NSMCE1: variants seen among roughly 807,000 people sequenced by gnomAD.
The protein encoded by NSMCE1 is NSE1 component of SMC5/6 complex, also known as non-structural maintenance of chromosomes element 1 homolog.
A neutral mutation model predicts 29.6 loss-of-function variants in NSMCE1; 18 were observed. That is an observed-to-expected ratio of 0.61 (90% CI 0.42 to 0.90). The LOEUF is 0.90. NSMCE1 is among the 40% of genes least tolerant of loss of function. The probability of loss-of-function intolerance (pLI) is 0.00; values close to 1 mark genes in which losing one functional copy is unlikely to be tolerated. For synonymous variants in NSMCE1, 124 were observed against 133.4 expected (o/e 0.93, Z 0.49); for missense variants, 314 against 343.6 (o/e 0.91, Z 0.68).
rs557220523 is a variant in NSMCE1 at position 27,256,679 on chromosome 16, C to T, written c.136+756G>A. Among the ~76,000 whole-genome samples the T allele has an allele frequency of 1.3e-3, 196 of 152,226 alleles. 1 individual carries two copies. The highest frequency in any genetic ancestry group is 6.8e-3 in the Middle Eastern group (2 of 294). ...ACACTGATCCTACTGTTTCTTCCAC[C>T]ATCTCCAGTTACTTAGAACTTAGCA... On this transcript the variant is annotated intron_variant, in intron 2 of 7. Coordinates refer to ENST00000361439, the MANE Select transcript of NSMCE1 (RefSeq NM_145080.4).
intron 4 of NSMCE1, chr16:27,233,901 G>A (rs1234098478): frequency 1.1e-5 from 4 of 373,064 alleles, no homozygotes; most frequent in African/African-American, 8.3e-5. Context: ...GGAGCAGCCA[G>A]GCAGGAACGC....
intron 1 of NSMCE1, 68 bp from the exon 2 acceptor site, chr16:27,257,649 T>A: frequency 8.1e-7 from 1 of 1,228,850 alleles, no homozygotes; most frequent in Non-Finnish European, 1.1e-6. Context: ...GGTCTTGTAC[T>A]AATTTACATT....
chr16:27,252,542 G>C (rs924149156), intron 2 of NSMCE1, among the ~76,000 whole-genome samples: 3 of 151,900 alleles, frequency 2.0e-5, no homozygotes, highest in Admixed American at 2.0e-4. Flanking sequence ...CAACATTTTG[G>C]AAGGCTGACG....
chr16:27,246,319 T>C (rs574703034), intron 2 of NSMCE1, among the ~76,000 whole-genome samples: 5 of 152,188 alleles, frequency 3.3e-5, no homozygotes, highest in Admixed American at 2.0e-4. Flanking sequence ...CTTAAAACAA[T>C]AGATAATTTA....
intron 5 of NSMCE1, among the ~76,000 whole-genome samples, chr16:27,227,774 T>G (rs1182587258): frequency 2.3e-5 from 3 of 131,844 alleles, no homozygotes; most frequent in Admixed American, 7.3e-5. Context: ...CTCCCGTTTC[T>G]TTTCTTTTCT....
intron 1 of NSMCE1, among the ~76,000 whole-genome samples, chr16:27,260,229 A>G (rs935101400): frequency 1.2e-4 from 18 of 152,202 alleles, no homozygotes; most frequent in Non-Finnish European, 2.5e-4. Context: ...AAATACACAA[A>G]AATAATAACA....
intron 2 of NSMCE1, among the ~76,000 whole-genome samples, chr16:27,256,943 C>T (rs967547697): frequency 2.0e-5 from 3 of 152,168 alleles, no homozygotes; most frequent in Non-Finnish European, 4.4e-5. Flanking sequence ...TCCCAAACTC[C>T]TGGCCTCAAG....
intron 2 of NSMCE1, among the ~76,000 whole-genome samples, chr16:27,243,037 G>C (rs764872395): frequency 3.3e-5 from 5 of 152,238 alleles, no homozygotes; most frequent in Non-Finnish European, 7.3e-5. Context: ...AGGAAGCACA[G>C]CTGCAGACAG....
chr16:27,255,010 G>A (rs1379052845), intron 2 of NSMCE1, among the ~76,000 whole-genome samples: 1 of 151,168 alleles, frequency 6.6e-6, no homozygotes, highest in Non-Finnish European at 1.5e-5. Context: ...CTCCCAAGTA[G>A]CTGGGACTAC....
intron 2 of NSMCE1, among the ~76,000 whole-genome samples, chr16:27,253,238 A>C (rs2084053514): frequency 6.6e-6 from 1 of 152,254 alleles, no homozygotes; most frequent in South Asian, 2.1e-4. Context: ...GGTCAGAAAC[A>C]CAGGTAGCCC....
chr16:27,253,135 G>A (rs533003481), intron 2 of NSMCE1, among the ~76,000 whole-genome samples: 23 of 152,222 alleles, frequency 1.5e-4, no homozygotes, highest in African/African-American at 4.8e-4. Flanking sequence ...AAGTCAAAAT[G>A]TAAGTAAAGT....
At position 27,225,157 on chromosome 16, in the gene NSMCE1, C is replaced by T; in HGVS notation, c.801G>A (p.Ter267=). The change falls in exon 8 of 8, where the codon TAG becomes TAA. Residue 267 remains the stop codon, a stop_retained_variant. Transcript: ENST00000361439. ...NKKSLRSRQH[*] ...CCAGCCCCTCAGCAGGGCACGATGG[C>T]TAATGCTGCCTGGACCGCAGGGACT... 3.8e-6 allele frequency: 6 copies of T among 1,589,488 alleles called. No homozygotes were observed. The highest frequency in any genetic ancestry group is 5.2e-6 in the Non-Finnish European group (6 of 1,162,504).
intron 2 of NSMCE1, among the ~76,000 whole-genome samples, chr16:27,251,043 G>A (rs2084022281): frequency 6.7e-6 from 1 of 148,182 alleles, no homozygotes; most frequent in Non-Finnish European, 1.5e-5. Context: ...GTTTCTCCAT[G>A]TTGGTCAGGC....
chr16:27,231,759 T>C (rs2083764834), intron 5 of NSMCE1, among the ~76,000 whole-genome samples: 1 of 152,044 alleles, frequency 6.6e-6, no homozygotes, highest in Admixed American at 6.5e-5. Context: ...CAAGAACAAC[T>C]GTGACAAAGC....
intron 2 of NSMCE1, 83 bp from the exon 3 acceptor site, chr16:27,235,382 A>C: frequency 1.3e-6 from 2 of 1,508,804 alleles, no homozygotes; most frequent in Non-Finnish European, 1.8e-6. Context: ...ATTCCATCCC[A>C]TCTCAACGCA....
At chr16:27,254,080 C>T (rs1481909859) in intron 2 of NSMCE1, among the ~76,000 whole-genome samples, 2 of 152,170 alleles carry the variant, frequency 1.3e-5, no homozygotes, top group Admixed American at 1.3e-4. Flanking sequence ...TTCCTAGAAG[C>T]TAAATATTTT....
At chr16:27,261,166 C>CAAAA (rs11420728) in intron 1 of NSMCE1, among the ~76,000 whole-genome samples, 4 of 98,094 alleles carry the variant, frequency 4.1e-5, no homozygotes, top group African/African-American at 7.7e-5. Flanking sequence ...GACTCCGTCT[C>CAAAA]AAAAAAAAAA....
Position 27,226,739 on chromosome 16 carries a change from C to T in NSMCE1, c.581G>A (p.Cys194Tyr), listed in dbSNP as rs868684921. ...YPDAVKICNI[C>Y]HSLLIQGQSC... Reference sequence around the variant, plus strand: ...GGGTACCTGGATGAGGAGGCTGTGACAGATATTGCAGATCTTCACCGCGTC... The same window carrying T: ...GGGTACCTGGATGAGGAGGCTGTGATAGATATTGCAGATCTTCACCGCGTC... Residue 194 changes from cysteine (C) to tyrosine (Y), a missense_variant, in exon 6 of 8, where the codon TGT becomes TAT. Transcript: ENST00000361439. The T allele has an allele frequency of 6.2e-7, 1 of 1,611,968 alleles. No individual in the cohort carries two copies. Among genetic ancestry groups the T allele is most frequent in the Non-Finnish European group, 8.5e-7 (1 of 1,178,190 alleles).
chr16:27,225,960 G>T, intron 6 of NSMCE1, 114 bp from the exon 7 acceptor site: 2 of 1,246,628 alleles, frequency 1.6e-6, no homozygotes, highest in Non-Finnish European at 2.3e-6. Flanking sequence ...TATCTTCTGG[G>T]CCCCAGATTA....
Sources: allele counts gnomAD v4.1 joint callset (sites outside exome capture counted in the v4.1 genomes callset), GRCh38; gene constraint gnomAD v4.1.1; transcripts MANE v1.5; gene names NCBI Gene and HGNC (gene_info 2026-07-23, HGNC 2026-07-21).